The following BICRA variants were observed in gnomAD, a reference collection of about 807,000 sequenced individuals.
BICRA encodes BRD4-interacting chromatin-remodeling complex-associated protein.
In BICRA, 31 loss-of-function variants were observed where a neutral mutation model predicts 96.9. The observed-to-expected ratio is 0.32, with a 90% confidence interval of 0.24 to 0.43. The LOEUF (loss-of-function observed/expected upper bound fraction) is 0.43. Ranked by LOEUF, BICRA falls within the 20% of genes least tolerant of loss-of-function variation. The pLI, the probability that BICRA is intolerant of heterozygous loss-of-function variation, is 1.00. For synonymous variants in BICRA, 1,350 were observed against 1,071.8 expected (o/e 1.26, Z -5.07); for missense variants, 2,283 against 2,190.3 (o/e 1.04, Z -0.84).
chr19:47,680,346 G>C lies in BICRA; in HGVS notation c.1176G>C (p.Lys392Asn). 6.5e-7 allele frequency: 1 copy of C among 1,531,396 alleles called. No homozygotes were observed. The highest frequency in any genetic ancestry group is 8.7e-7 in the Non-Finnish European group (1 of 1,145,028). The allele number at this position is 1,531,396 out of a possible 1,614,324, so 94.9% of individuals were successfully genotyped here. A position where few individuals can be genotyped will look rare whatever the true frequency, so the allele number is the denominator to read the frequency against. Residue 392 changes from lysine (K) to asparagine (N), a missense_variant, in exon 6 of 15, where the codon AAG (lysine) becomes AAC (asparagine). Transcript: ENST00000594866. The part of the protein sequence containing the change: ...GEPGALPQQP[K>N]APQNLTFMAA... ...CGGGGGCGCTCCCGCAGCAGCCCAA[G>C]GCCCCGCAGAACCTGACGTTCATGG...
Position 47,699,148 on chromosome 19 carries a change from C to T in BICRA, c.3492+89C>T, listed in dbSNP as rs555359754. The T allele has an allele frequency of 1.4e-3, 1,438 of 1,006,832 alleles. No homozygotes were observed. Among genetic ancestry groups the T allele is most frequent in the Non-Finnish European group, 1.8e-3 (1,159 of 655,682 alleles). The allele number at this position is 1,006,832 out of a possible 1,614,324, so 62.4% of individuals were successfully genotyped here. On this transcript the variant is annotated intron_variant, in intron 13 of 14. Transcript: ENST00000594866. This position sits in a 1 kb window ranked among gnomAD's most constrained non-coding sequence, Gnocchi z 5.0. Reference sequence around the variant, plus strand: ...TCACCCGCTCTGGGCAAGGTGGAGCCTCCCGCCCCTCCTAGCCCCGGGAGG... The same window carrying T: ...TCACCCGCTCTGGGCAAGGTGGAGCTTCCCGCCCCTCCTAGCCCCGGGAGG...
intron 5 of BICRA, among the ~76,000 whole-genome samples, chr19:47,678,436 G>A (rs143656672): frequency 1.3e-3 from 201 of 152,026 alleles, no homozygotes; most frequent in African/African-American, 4.7e-3. Context: ...TTTTTTGGGC[G>A]TCAGCTGGTA....
In BICRA at chr19:47,682,157, AG is replaced by A; in HGVS notation, c.2283+8del. On this transcript the variant is annotated splice_donor_region_variant and intron_variant, in intron 7 of 14. Transcript: ENST00000594866. ...TCCCCGGCTCCGGCCCCCCAGGTAG[AG>A]GGACCCCAGCAGCCTGTGTCCGCAG... 1 of 1,372,854 alleles carries A rather than the reference AG, an allele frequency of 7.3e-7. No individual in the cohort carries two copies. Among genetic ancestry groups the A allele is most frequent in the Non-Finnish European group, 1.0e-6 (1 of 1,003,432 alleles). 85.0% of individuals were successfully genotyped at this position (1,372,854 alleles called of 1,614,324 possible).
intron 1 of BICRA, among the ~76,000 whole-genome samples, chr19:47,639,258 T>C (rs1972346852): frequency 6.7e-6 from 1 of 150,302 alleles, no homozygotes; most frequent in South Asian, 2.1e-4. Flanking sequence ...TCCACCCCTC[T>C]CTGCCTCCCA....
rs1479031850 is a variant in BICRA, at chr19:47,695,334, G to T, written c.3077-31G>T. 6 of 684,448 alleles carry T rather than the reference G, an allele frequency of 8.8e-6. No homozygotes were observed. In the East Asian group the frequency reaches 1.6e-4, roughly 19 times the overall value. The allele number at this position is 684,448 out of a possible 1,614,324, so 42.4% of individuals were successfully genotyped here. On this transcript the variant is annotated intron_variant, in intron 9 of 14. Transcript: ENST00000594866. ...GGGGGCCTTCATGCAGTGACCGCAG[G>T]CCCTGTCTCCCCCACCCCACCCACC... is the stretch of plus-strand genomic sequence containing the variant.
At chr19:47,683,089 A>T (rs986370163) in intron 7 of BICRA, among the ~76,000 whole-genome samples, 24 of 152,184 alleles carry the variant, frequency 1.6e-4, no homozygotes, top group African/African-American at 5.5e-4. Flanking sequence ...TCTAGCTATT[A>T]TGAACAAGGC....
chr19:47,702,133 C>T lies in BICRA; in HGVS notation c.4401C>T (p.Pro1467=), dbSNP rs1380936316. ...CCGGGGACCCCGACTGGGAGGCGCC[C>T]GGGCTGCCCCCTGCCAAGCGGCGCA... The part of the protein sequence containing the change: ...QGTGDPDWEA[P]GLPPAKRRKS... Residue 1467 remains proline, a synonymous_variant, in exon 15 of 15, where the codon CCC becomes CCT. Coordinates refer to ENST00000594866, the MANE Select transcript of BICRA (RefSeq NM_001394372.1). 2.6e-6 allele frequency: 4 copies of T among 1,537,560 alleles called. No homozygotes were observed. Among genetic ancestry groups the T allele is most frequent in the East Asian group, 2.5e-5 (1 of 39,984 alleles).
At chr19:47,639,319 ATTTTTTTTTTTTT>A (rs35509834) in intron 1 of BICRA, among the ~76,000 whole-genome samples, 2 of 52,368 alleles carry the variant, frequency 3.8e-5, no homozygotes, top group South Asian at 8.3e-4. Flanking sequence ...CCCACCCTGC[ATTTTTTTTTTTTT>A]TTTTTTTTTT....
chr19:47,684,451 G>A (rs895912230), intron 7 of BICRA, among the ~76,000 whole-genome samples: 1 of 152,128 alleles, frequency 6.6e-6, no homozygotes, highest in Non-Finnish European at 1.5e-5. Flanking sequence ...CAAATTGCTG[G>A]GATTTACAGG....
intron 1 of BICRA, among the ~76,000 whole-genome samples, chr19:47,623,048 A>C (rs1481630882): frequency 6.6e-6 from 1 of 151,334 alleles, no homozygotes; most frequent in Admixed American, 6.6e-5. Context: ...AAAAAAAAAA[A>C]GTGTGTGTGT....
chr19:47,632,401 C>G (rs1390047620), intron 1 of BICRA, among the ~76,000 whole-genome samples: 1 of 152,142 alleles, frequency 6.6e-6, no homozygotes, highest in Non-Finnish European at 1.5e-5. Context: ...TCTCAGTCCT[C>G]GAGTCCTACC....
chr19:47,653,986 C>T (rs1160114803), intron 1 of BICRA, among the ~76,000 whole-genome samples: 1 of 152,110 alleles, frequency 6.6e-6, no homozygotes, highest in African/African-American at 2.4e-5. Flanking sequence ...GCGTGAGCCA[C>T]CGCACCCAGC....
intron 1 of BICRA, among the ~76,000 whole-genome samples, chr19:47,623,971 C>T (rs1972103045): frequency 6.6e-6 from 1 of 152,050 alleles, no homozygotes; most frequent in South Asian, 2.1e-4. Flanking sequence ...CGTGCCTCAG[C>T]TCCCCGAGTA....
chr19:47,695,256 C>T (rs1276733279), intron 9 of BICRA, 109 bp from the exon 10 acceptor site: 19 of 769,804 alleles, frequency 2.5e-5, no homozygotes, highest in Admixed American at 4.5e-5. Context: ...TTTGAAGGGC[C>T]GGAGGGCCAG....
chr19:47,681,224 C>G lies in BICRA; in HGVS notation c.2054C>G (p.Ala685Gly). The change falls in exon 6 of 15, where the codon GCC becomes GGC. Residue 685 changes from alanine (A) to glycine (G), a missense_variant. Ala to Gly is a moderately conservative substitution (Grantham distance 60). Transcript: ENST00000594866. ...ATCGTCCTGGGGCAGCCGCCCTCTG[C>G]CACCCCCACGGCCATCCTCACTCAG... ...EKIVLGQPPS[A>G]TPTAILTQDS... 6.5e-7 allele frequency: 1 copy of G among 1,536,238 alleles called. No homozygotes were observed. Among genetic ancestry groups the G allele is most frequent in the Non-Finnish European group, 8.7e-7 (1 of 1,146,644 alleles).
At chr19:47,688,744 G>A (rs1413956417) in intron 7 of BICRA, among the ~76,000 whole-genome samples, 6 of 152,064 alleles carry the variant, frequency 3.9e-5, no homozygotes, top group African/African-American at 1.2e-4. Context: ...AGCGAGCTGA[G>A]ATTGAGCCAC....
chr19:47,652,341 A>G (rs550328435), intron 1 of BICRA, among the ~76,000 whole-genome samples: 5 of 152,212 alleles, frequency 3.3e-5, no homozygotes, highest in Admixed American at 3.3e-4. Flanking sequence ...ATGTGCCACC[A>G]CACCCAGCTA....
intron 1 of BICRA, among the ~76,000 whole-genome samples, chr19:47,622,723 CAAAAAAA>C (rs756030830): frequency 9.4e-5 from 3 of 31,872 alleles, no homozygotes; most frequent in East Asian, 9.4e-4. Context: ...GACTCTGTCT[CAAAAAAA>C]AAAAAAAAAA....
chr19:47,619,160 C>T (rs972087089), intron 1 of BICRA, among the ~76,000 whole-genome samples: 1 of 151,086 alleles, frequency 6.6e-6, no homozygotes, highest in African/African-American at 2.4e-5. Context: ...TGTGTGTATA[C>T]TTACTCTTTC....
Sources: allele counts gnomAD v4.1 joint callset (sites outside exome capture counted in the v4.1 genomes callset), GRCh38; gene constraint gnomAD v4.1.1; non-coding constraint Gnocchi (gnomAD v3.1); transcripts MANE v1.5; gene names NCBI Gene and HGNC (gene_info 2026-07-23, HGNC 2026-07-21).